SYNM: variants seen among roughly 807,000 people sequenced by gnomAD.
SYNM encodes the protein desmuslin.
In SYNM, 95 loss-of-function variants were observed where a neutral mutation model predicts 104.0. The ratio of observed to expected loss-of-function variants is 0.91; its 90% CI spans 0.77 to 1.08. The LOEUF is 1.08. Ranked by LOEUF, SYNM falls within the 50% of genes least tolerant of loss-of-function variation. The probability of loss-of-function intolerance (pLI) is 0.00; values close to 1 mark genes in which losing one functional copy is unlikely to be tolerated. For synonymous variants in SYNM, 918 were observed against 869.0 expected (o/e 1.06, Z -0.99); for missense variants, 2,150 against 2,052.2 (o/e 1.05, Z -0.92).
Position 99,130,788 on chromosome 15 carries a change from G to A in SYNM, c.2428G>A (p.Glu810Lys), listed in dbSNP as rs1213710704. The change falls in exon 4 of 4, where the codon GAG (glutamate) becomes AAG (lysine). Residue 810 changes from glutamate (E) to lysine (K), a missense_variant. Coordinates refer to ENST00000336292, the MANE Select transcript of SYNM (RefSeq NM_145728.3). Reference protein sequence around the residue: ...NQHRRTKQPQENTTHVEEVTE... With the variant: ...NQHRRTKQPQKNTTHVEEVTE... ...GCATCGAAGGACCAAGCAGCCTCAG[G>A]AGAACACGACTCACGTGGAAGAAGT... is the stretch of plus-strand genomic sequence containing the variant. 8 of 1,613,878 alleles carry A rather than the reference G, an allele frequency of 5.0e-6. No homozygotes were observed. Among genetic ancestry groups the A allele is most frequent in the Non-Finnish European group, 6.8e-6 (8 of 1,179,908 alleles).
chr15:99,140,882 T>G, the SYNM span: 4 of 152,198 alleles, frequency 2.6e-5, no homozygotes, highest in African/African-American at 9.6e-5. Flanking sequence ...ACATGAAGAA[T>G]TCCTATAAGG....
chr15:99,132,380 G>A lies in SYNM; in HGVS notation c.4020G>A (p.Glu1340=). The A allele has an allele frequency of 6.2e-7, 1 of 1,613,352 alleles. No homozygotes were observed. Among genetic ancestry groups the A allele is most frequent in the South Asian group, 1.1e-5 (1 of 90,770 alleles). ...AACTGGGGGAATCTGGTGACTCAGA[G>A]AGCACTGTGCACGGAGAGGGCTCAG... ...VPQLGESGDS[E]STVHGEGSAD... The change falls in exon 4 of 4, where the codon GAG becomes GAA. Residue 1340 remains glutamate (E), a synonymous_variant. Coordinates refer to ENST00000336292, the MANE Select transcript of SYNM (RefSeq NM_145728.3).
intron 1 of SYNM, among the ~76,000 whole-genome samples, chr15:99,108,928 C>G (rs2067274751): frequency 6.6e-6 from 1 of 152,168 alleles, no homozygotes; most frequent in Non-Finnish European, 1.5e-5. Flanking sequence ...GCTTTTAGAC[C>G]CCTCCAGCTG....
chr15:99,129,966 A>T lies in SYNM; in HGVS notation c.1606A>T (p.Asn536Tyr). 6.2e-7 allele frequency: 1 copy of T among 1,612,270 alleles called. No homozygotes were observed. Among genetic ancestry groups the T allele is most frequent in the Non-Finnish European group, 8.5e-7 (1 of 1,179,020 alleles). Residue 536 changes from asparagine (N) to tyrosine (Y), a missense_variant, in exon 4 of 4, where the codon AAC (asparagine) becomes TAC (tyrosine). Physicochemically the swap from Asn to Tyr is moderately radical, Grantham distance 143. Transcript: ENST00000336292. ...DSKEKASEER[N>Y]LRWEELTKLD... Reference sequence around the variant, plus strand: ...TAAAGAGAAGGCTTCCGAGGAGAGAAACCTAAGATGGGAAGAATTGACAAA... The same window carrying T: ...TAAAGAGAAGGCTTCCGAGGAGAGATACCTAAGATGGGAAGAATTGACAAA...
downstream of SYNM, chr15:99,139,686 TG>T: frequency 2.9e-6 from 4 of 1,388,034 alleles, no homozygotes; most frequent in Non-Finnish European, 3.8e-6. Flanking sequence ...GCAAGAACCT[TG>T]GTACTGACCA....
Position 99,105,894 on chromosome 15 carries a change from A to G in SYNM, c.695A>G (p.Gln232Arg), listed in dbSNP as rs782304866. ...GAGGAAGAGACGCGGCTGTGCGCGC[A>G]GGAGGCAGAGGCGCTGCGGCGCGAG... ...QAEEETRLCA[Q>R]EAEALRREAL... Residue 232 changes from glutamine (Q) to arginine (R), a missense_variant, in exon 1 of 4, where the codon CAG (glutamine) becomes CGG (arginine). Physicochemically the swap from Gln to Arg is conservative, Grantham distance 43. Coordinates refer to ENST00000336292, the MANE Select transcript of SYNM (RefSeq NM_145728.3). 4 of 1,536,424 alleles carry G rather than the reference A, an allele frequency of 2.6e-6. No individual in the cohort carries two copies. The South Asian group carries it at 3.6e-5, about 14-fold the overall frequency.
rs554567307 is a variant in SYNM, at chr15:99,117,169, A to G, written c.935+3454A>G. On this transcript the variant is annotated intron_variant, in intron 2 of 3. Coordinates refer to ENST00000336292, the MANE Select transcript of SYNM (RefSeq NM_145728.3). The stretch of plus-strand genomic sequence containing the variant: ...AGGAGAAGACACACATCCAAACCGT[A>G]TCAAATCCTTAGTTTCAGGTACAGC... Among the ~76,000 whole-genome samples the G allele has an allele frequency of 6.7e-5, 7 of 104,346 alleles. 1 individual carries two copies. In the Admixed American group the frequency reaches 7.3e-4, roughly 11 times the overall value. 68.5% of individuals were successfully genotyped at this position (104,346 alleles called of 152,430 possible). A position where few individuals can be genotyped will look rare whatever the true frequency, so the allele number is the denominator to read the frequency against.
At chr15:99,109,674 A>G (rs2067283106) in intron 1 of SYNM, among the ~76,000 whole-genome samples, 1 of 152,198 alleles carries the variant, frequency 6.6e-6, no homozygotes, top group African/African-American at 2.4e-5. Flanking sequence ...TCATTCGTTC[A>G]GCTAACAGCC....
chr15:99,118,499 C>T (rs2067370830), intron 2 of SYNM, among the ~76,000 whole-genome samples: 1 of 152,160 alleles, frequency 6.6e-6, no homozygotes, highest in East Asian at 1.9e-4. Context: ...GACTGTGGCT[C>T]TTTAATGCTT....
At chr15:99,125,675 T>C (rs2067440840) in intron 2 of SYNM, among the ~76,000 whole-genome samples, 1 of 152,212 alleles carries the variant, frequency 6.6e-6, no homozygotes, top group South Asian at 2.1e-4. Flanking sequence ...CCTGCTCCGT[T>C]TTTGTGCCCA....
At chr15:99,107,207 T>C (rs1047112104) in intron 1 of SYNM, among the ~76,000 whole-genome samples, 12 of 152,238 alleles carry the variant, frequency 7.9e-5, no homozygotes, top group African/African-American at 2.9e-4. Context: ...AAGTGTTCTC[T>C]TGGGGCTTTG....
chr15:99,139,482 A>G, downstream of SYNM: 2 of 1,590,324 alleles, frequency 1.3e-6, no homozygotes, highest in East Asian at 2.3e-5. Flanking sequence ...AATGAGAGAA[A>G]GATGACCTCA....
chr15:99,108,537 G>A (rs2067270632), intron 1 of SYNM, among the ~76,000 whole-genome samples: 2 of 152,136 alleles, frequency 1.3e-5, no homozygotes, highest in African/African-American at 2.4e-5. Flanking sequence ...CTAAAAATGG[G>A]TTGAATTAGT....
At position 99,130,400 on chromosome 15, in the gene SYNM, G is replaced by GAAAAC; in HGVS notation, c.2044_2048dup (p.Thr684GlnfsTer5). 1.2e-6 allele frequency: 2 copies of GAAAAC among 1,613,744 alleles called. No individual in the cohort carries two copies. Among genetic ancestry groups the GAAAAC allele is most frequent in the Non-Finnish European group, 1.7e-6 (2 of 1,179,824 alleles). ...ACAGGAAAGAGCTTCCTGGGGAAAG[G>GAAAAC]AAAACAAAGACTGAAATAGTTGTGG... On this transcript the variant is annotated frameshift_variant, in exon 4 of 4. Transcript: ENST00000336292. LOFTEE classifies it high-confidence loss of function.
intron 1 of SYNM, among the ~76,000 whole-genome samples, chr15:99,110,621 T>C (rs1419103334): frequency 6.6e-6 from 1 of 152,242 alleles, no homozygotes; most frequent in Non-Finnish European, 1.5e-5. Flanking sequence ...ACAGTGATAT[T>C]TGTGAACTGT....
chr15:99,138,423 C>A (rs183524567), downstream of SYNM, among the ~76,000 whole-genome samples: 4 of 152,114 alleles, frequency 2.6e-5, no homozygotes, highest in African/African-American at 9.7e-5. Flanking sequence ...AAGCAACTCT[C>A]ATGCCTCAGT....
chr15:99,126,687 T>C, intron 2 of SYNM, 35 bp from the exon 3 acceptor site: 1 of 1,545,494 alleles, frequency 6.5e-7, no homozygotes, highest in African/African-American at 1.4e-5. Context: ...CTCTTTCGTT[T>C]CCTAATGAAT....
chr15:99,125,495 G>A (rs1596130776), intron 2 of SYNM, among the ~76,000 whole-genome samples: 1 of 152,246 alleles, frequency 6.6e-6, no homozygotes, highest in African/African-American at 2.4e-5. Flanking sequence ...TCACTGCGCC[G>A]GGGCAGGCCC....
intron 1 of SYNM, among the ~76,000 whole-genome samples, chr15:99,107,750 C>G (rs1217468006): frequency 6.6e-6 from 1 of 152,108 alleles, no homozygotes; most frequent in East Asian, 1.9e-4. Flanking sequence ...TGCAGCCCTC[C>G]TTTGACACAG....
Sources: gnomAD v4.1 joint callset for allele counts (sites outside exome capture counted in the v4.1 genomes callset) on GRCh38, gnomAD v4.1.1 for gene constraint, MANE v1.5 for transcripts, NCBI Gene and HGNC (gene_info 2026-07-23, HGNC 2026-07-21) for gene names.